EYA1: variants seen among roughly 807,000 people sequenced by gnomAD.
EYA1 encodes protein phosphatase EYA1.
Under a neutral mutation model 82.0 loss-of-function variants are expected in EYA1, and 16 were observed. That is an observed-to-expected ratio of 0.20 (90% confidence interval 0.13 to 0.30). The LOEUF (loss-of-function observed/expected upper bound fraction) is 0.30, where lower values mean the gene tolerates loss of function less well. Ranked by LOEUF, EYA1 falls within the 10% of genes least tolerant of loss-of-function variation. The probability of loss-of-function intolerance (pLI) is 1.00; values close to 1 mark genes in which losing one functional copy is unlikely to be tolerated. For missense variants in EYA1, 633 were observed against 730.7 expected (o/e 0.87, Z 1.54); for synonymous variants, 261 against 264.4 (o/e 0.99, Z 0.12).
chr8:71,373,939 A>G (rs1400685274), intron 2 of EYA1, among the ~76,000 whole-genome samples: 2 of 152,186 alleles, frequency 1.3e-5, no homozygotes, highest in East Asian at 3.9e-4. Context: ...ATCCATATGC[A>G]AAAGAACAAA....
chr8:71,442,890 T>G (rs1214469688), intron 2 of EYA1, among the ~76,000 whole-genome samples: 2 of 152,194 alleles, frequency 1.3e-5, no homozygotes, highest in African/African-American at 4.8e-5. Flanking sequence ...TCTTTATGTG[T>G]ATTACAGGTC....
intron 2 of EYA1, among the ~76,000 whole-genome samples, chr8:71,450,899 C>T (rs113817478): frequency 4.6e-5 from 7 of 152,180 alleles, no homozygotes; most frequent in Non-Finnish European, 7.4e-5. Context: ...TTTTAACTTC[C>T]GTAAAATGAC....
intron 11 of EYA1, among the ~76,000 whole-genome samples, chr8:71,265,558 T>A (rs1370798027): frequency 1.3e-5 from 2 of 151,710 alleles, no homozygotes; most frequent in African/African-American, 2.4e-5. Context: ...AGGCGTTGAG[T>A]GTAGATATCT....
chr8:71,493,785 A>C (rs893541652), intron 2 of EYA1, among the ~76,000 whole-genome samples: 1 of 151,216 alleles, frequency 6.6e-6, no homozygotes, highest in Non-Finnish European at 1.5e-5. Context: ...GCACTTTGGG[A>C]GGCCGAGGCG....
At chr8:71,475,853 G>T (rs947882732) in intron 2 of EYA1, among the ~76,000 whole-genome samples, 5 of 152,066 alleles carry the variant, frequency 3.3e-5, no homozygotes, top group African/African-American at 1.2e-4. Flanking sequence ...ATTTGTTATT[G>T]ATATAACTAA....
At chr8:71,432,349 C>A (rs1304330257) in intron 2 of EYA1, among the ~76,000 whole-genome samples, 1 of 152,108 alleles carries the variant, frequency 6.6e-6, no homozygotes, top group Non-Finnish European at 1.5e-5. Context: ...TAAAAAGAAA[C>A]GGTATATGAC....
chr8:71,524,485 C>G (rs1216487845), intron 2 of EYA1, among the ~76,000 whole-genome samples: 1 of 152,062 alleles, frequency 6.6e-6, no homozygotes, highest in African/African-American at 2.4e-5. Context: ...AAGTTAATAC[C>G]TGAATATGCA....
At chr8:71,472,605 ATTT>A (rs926631557) in intron 2 of EYA1, among the ~76,000 whole-genome samples, 73 of 151,852 alleles carry the variant, frequency 4.8e-4, no homozygotes, top group African/African-American at 1.7e-3. Flanking sequence ...TAATATTATT[ATTT>A]TTCTTCACAA....
chr8:71,215,368 GA>G lies in EYA1; in HGVS notation c.1597+18del, dbSNP rs1037880379. ...AAGGAAAAGAGCTGATTGTTAAAAA[GA>G]AAAGAAAAGCAGCTCACCTATTTTA... On this transcript the variant is annotated intron_variant, in intron 16 of 17. Transcript: ENST00000340726. The G allele has an allele frequency of 2.3e-5, 37 of 1,609,392 alleles. No homozygotes were observed. Among genetic ancestry groups the G allele is most frequent in the Non-Finnish European group, 3.0e-5 (35 of 1,176,884 alleles).
At chr8:71,381,401 AC>A (rs1828692952) in intron 2 of EYA1, among the ~76,000 whole-genome samples, 2 of 152,064 alleles carry the variant, frequency 1.3e-5, no homozygotes, top group Middle Eastern at 3.4e-3. Context: ...TCCCTCATTC[AC>A]CCCCATCTAT....
At chr8:71,440,915 T>A (rs1352939554) in intron 2 of EYA1, among the ~76,000 whole-genome samples, 1 of 152,156 alleles carries the variant, frequency 6.6e-6, no homozygotes, top group South Asian at 2.1e-4. Context: ...TATCCCCCTA[T>A]GGACACACAT....
chr8:71,234,753 C>A (rs563605726), intron 12 of EYA1, among the ~76,000 whole-genome samples: 1 of 151,982 alleles, frequency 6.6e-6, no homozygotes, highest in Non-Finnish European at 1.5e-5. Context: ...AGTTTTATGG[C>A]GTCGGGACTC....
intron 2 of EYA1, among the ~76,000 whole-genome samples, chr8:71,477,558 A>G (rs1809761932): frequency 6.6e-6 from 1 of 151,814 alleles, no homozygotes; most frequent in Admixed American, 6.6e-5. Context: ...TTTTTTTCAA[A>G]AAAAGGCAAA....
intron 2 of EYA1, among the ~76,000 whole-genome samples, chr8:71,463,057 T>G (rs1187953018): frequency 6.6e-6 from 1 of 152,254 alleles, no homozygotes; most frequent in Non-Finnish European, 1.5e-5. Flanking sequence ...TTTCAACATA[T>G]AATTAATATC....
In EYA1 at chr8:71,361,754, G is replaced by A; in HGVS notation, c.-162C>T. 1.0e-6 allele frequency: 1 copy of A among 985,510 alleles called. No homozygotes were observed. Among genetic ancestry groups the A allele is most frequent in the Non-Finnish European group, 1.2e-6 (1 of 829,974 alleles). 61.0% of individuals were successfully genotyped at this position (985,510 alleles called of 1,614,324 possible). A position where few individuals can be genotyped will look rare whatever the true frequency, so the allele number is the denominator to read the frequency against. On this transcript the variant is annotated 5_prime_UTR_variant, in exon 1 of 18. Transcript: ENST00000340726. ...TTTGCTCCTGGATGGGTACGCGCGG[G>A]GGCTCTCAGGCGCTCTGGTGCAGCC...
At chr8:71,357,967 C>T (rs1311863244) in intron 1 of EYA1, among the ~76,000 whole-genome samples, 1 of 149,862 alleles carries the variant, frequency 6.7e-6, no homozygotes, top group Admixed American at 6.7e-5. Flanking sequence ...GATAAATTTC[C>T]TTTTTCTTTT....
chr8:71,269,525 G>C (rs1358428568), intron 11 of EYA1, among the ~76,000 whole-genome samples: 1 of 152,148 alleles, frequency 6.6e-6, no homozygotes, highest in Non-Finnish European at 1.5e-5. Flanking sequence ...GACTTTAATT[G>C]AACAAAGTGT....
chr8:71,445,174 A>G (rs1366549841), intron 2 of EYA1, among the ~76,000 whole-genome samples: 2 of 152,182 alleles, frequency 1.3e-5, no homozygotes, highest in Non-Finnish European at 2.9e-5. Context: ...GGCTGAGTTC[A>G]GCTGTTAAAA....
intron 2 of EYA1, among the ~76,000 whole-genome samples, chr8:71,435,000 T>C (rs1805898420): frequency 6.6e-6 from 1 of 152,126 alleles, no homozygotes. Context: ...CACACCTACA[T>C]GGTTTCCTTT....
Sources: allele counts gnomAD v4.1 joint callset (sites outside exome capture counted in the v4.1 genomes callset), GRCh38; gene constraint gnomAD v4.1.1; transcripts MANE v1.5; gene names NCBI Gene and HGNC (gene_info 2026-07-23, HGNC 2026-07-21).